PDE1C: variants seen among roughly 807,000 people sequenced by gnomAD.
The protein encoded by PDE1C is phosphodiesterase 1C.
In PDE1C, 62 loss-of-function variants were observed where a neutral mutation model predicts 93.1. The ratio of observed to expected loss-of-function variants is 0.67; its 90% CI spans 0.54 to 0.82. The LOEUF (loss-of-function observed/expected upper bound fraction) is 0.82, where lower values mean the gene tolerates loss of function less well. Among genes scored for constraint, PDE1C ranks in the 40% least tolerant of loss-of-function variants. PDE1C has a pLI of 0.00. For missense variants in PDE1C, 742 were observed against 884.6 expected, an observed-to-expected ratio of 0.84 and a Z score of 2.04; for synonymous variants, 325 against 310.1, an observed-to-expected ratio of 1.05 and a Z score of -0.50.
At chr7:31,693,350 C>T in the PDE1C span, among the ~76,000 whole-genome samples, 82 of 152,308 alleles carry the variant, frequency 5.4e-4, no homozygotes, top group Admixed American at 2.0e-3. Flanking sequence ...TTCATTTATT[C>T]AACACATGAC....
In PDE1C at chr7:32,353,556, G is replaced by GTT. The variant is rs909878304; in HGVS notation, c.310+74264_310+74265dup. On this transcript the variant is annotated intron_variant, in intron 1 of 1. Transcript: ENST00000672256. The stretch of plus-strand genomic sequence containing the variant: ...TCTACAGGTATTGCCTGTAGTTTTT[G>GTT]TTTTTTTTTTTTTTCTAGTTTGTTA... 3.9e-4 allele frequency among the ~76,000 whole-genome samples: 6 copies of GTT among 15,372 alleles called. No homozygotes were observed. The Admixed American group carries it at 5.5e-3, about 14-fold the overall frequency. 10.1% of individuals were successfully genotyped at this position (15,372 alleles called of 152,430 possible).
intron 3 of PDE1C, among the ~76,000 whole-genome samples, chr7:32,147,296 GAAAGAAAGAAAGAAAGAAAGAAAGAA>G (rs1563352722): frequency 2.2e-5 from 3 of 137,402 alleles, no homozygotes; most frequent in African/African-American, 8.6e-5. Flanking sequence ...AAGAAAGAAA[GAAAGAAAGAAAGAAAGAAAGAAAGAA>G]AGAAAGAAAG....
At chr7:31,835,971 G>C (rs1256941527) in intron 11 of PDE1C, among the ~76,000 whole-genome samples, 1 of 152,190 alleles carries the variant, frequency 6.6e-6, no homozygotes, top group East Asian at 1.9e-4. Context: ...CCCATCTCTT[G>C]TCAGTTTGCG....
intron 17 of PDE1C, among the ~76,000 whole-genome samples, chr7:31,754,906 G>C (rs1439857982): frequency 1.3e-5 from 2 of 152,202 alleles, no homozygotes; most frequent in Non-Finnish European, 2.9e-5. Flanking sequence ...AACTATTTAA[G>C]AGGTCGGAGG....
At chr7:32,118,692 C>T (rs1395980897) in intron 3 of PDE1C, among the ~76,000 whole-genome samples, 1 of 152,066 alleles carries the variant, frequency 6.6e-6, no homozygotes, top group Non-Finnish European at 1.5e-5. Context: ...TATCAGGAGC[C>T]CACTCTGTGA....
chr7:32,227,345 C>G (rs899796859), intron 1 of PDE1C, among the ~76,000 whole-genome samples: 3 of 152,146 alleles, frequency 2.0e-5, no homozygotes, highest in Non-Finnish European at 2.9e-5. Context: ...CATGATGTCC[C>G]CCGTCATATG....
intron 2 of PDE1C, among the ~76,000 whole-genome samples, chr7:32,046,597 T>C (rs1181394392): frequency 1.3e-5 from 2 of 152,192 alleles, no homozygotes; most frequent in East Asian, 3.8e-4. Flanking sequence ...TATAGCAATA[T>C]ACTATAGTAA....
chr7:31,816,207 C>T (rs897037333), intron 14 of PDE1C, 53 bp from the exon 15 acceptor site: 8 of 1,528,960 alleles, frequency 5.2e-6, no homozygotes, highest in African/African-American at 1.4e-5. Context: ...AGAGGTCATG[C>T]CGTTAGGAGA....
intron 11 of PDE1C, among the ~76,000 whole-genome samples, chr7:31,835,230 C>G (rs1305707919): frequency 6.6e-6 from 1 of 152,082 alleles, no homozygotes; most frequent in African/African-American, 2.4e-5. Context: ...CAGACTAGTA[C>G]AGGGTGATAT....
At chr7:31,991,397 C>T (rs1260320898) in intron 2 of PDE1C, among the ~76,000 whole-genome samples, 1 of 152,158 alleles carries the variant, frequency 6.6e-6, no homozygotes, top group African/African-American at 2.4e-5. Flanking sequence ...TCGTGCTATA[C>T]AAAGGAAAGA....
chr7:32,186,786 A>T (rs1219097430), intron 2 of PDE1C, among the ~76,000 whole-genome samples: 1 of 152,042 alleles, frequency 6.6e-6, no homozygotes, highest in African/African-American at 2.4e-5. Flanking sequence ...AACTCATGGG[A>T]ATTTTTGTAA....
chr7:31,828,663 T>C (rs1209256563), intron 11 of PDE1C, among the ~76,000 whole-genome samples: 1 of 152,096 alleles, frequency 6.6e-6, no homozygotes, highest in Non-Finnish European at 1.5e-5. Flanking sequence ...AGGCAATATG[T>C]CTTGTGGCCT....
intron 3 of PDE1C, among the ~76,000 whole-genome samples, chr7:32,147,556 A>G (rs569550885): frequency 7.2e-5 from 11 of 152,232 alleles, no homozygotes; most frequent in South Asian, 2.1e-4. Flanking sequence ...GAACCCACAC[A>G]TGGATATTTT....
At chr7:32,188,677 G>C (rs973439380) in intron 2 of PDE1C, among the ~76,000 whole-genome samples, 2 of 151,990 alleles carry the variant, frequency 1.3e-5, no homozygotes, top group East Asian at 3.9e-4. Flanking sequence ...TTTTCTTTGG[G>C]CTTCTATATT....
At chr7:32,286,687 T>C (rs981575299) in intron 1 of PDE1C, among the ~76,000 whole-genome samples, 1 of 152,138 alleles carries the variant, frequency 6.6e-6, no homozygotes, top group Non-Finnish European at 1.5e-5. Context: ...TAATTTAAAA[T>C]ATCCATATAT....
At chr7:31,690,831 C>T in the PDE1C span, among the ~76,000 whole-genome samples, 1 of 152,140 alleles carries the variant, frequency 6.6e-6, no homozygotes, top group Non-Finnish European at 1.5e-5. Context: ...TATGTCATTT[C>T]AACATTTTTG....
At position 31,988,260 on chromosome 7, in the gene PDE1C, C is replaced by T. The variant is rs142978190; in HGVS notation, c.128+63294G>A. ...TTGGATTCTGTCCACTCTGCCCAGA[C>T]GCCTACAGTAAAGAGCACCTTCATC... is the stretch of plus-strand genomic sequence containing the variant. On this transcript the variant is annotated intron_variant, in intron 2 of 17. Coordinates refer to ENST00000396191, the MANE Select transcript of PDE1C (RefSeq NM_001191057.4). 5.2e-3 allele frequency among the ~76,000 whole-genome samples: 790 copies of T among 152,308 alleles called. 14 individuals carry two copies. Among genetic ancestry groups the T allele is most frequent in the Admixed American group, 0.045 (683 of 15,304 alleles).
chr7:32,120,879 A>T (rs186622123), intron 3 of PDE1C, among the ~76,000 whole-genome samples: 109 of 152,286 alleles, frequency 7.2e-4, no homozygotes, highest in African/African-American at 2.5e-3. Context: ...TGGGGATGAG[A>T]TGGACGAATT....
chr7:32,242,962 A>G (rs1311811290), intron 1 of PDE1C, among the ~76,000 whole-genome samples: 3 of 152,222 alleles, frequency 2.0e-5, no homozygotes, highest in Non-Finnish European at 4.4e-5. Flanking sequence ...TGAAGGATAC[A>G]GTACAGTCAG....
Sources: allele counts gnomAD v4.1 joint callset (sites outside exome capture counted in the v4.1 genomes callset), GRCh38; gene constraint gnomAD v4.1.1; transcripts MANE v1.5; gene names NCBI Gene and HGNC (gene_info 2026-07-23, HGNC 2026-07-21).